Variants in SCLT1 observed in about 807,000 individuals in gnomAD.
SCLT1 encodes the protein sodium channel and clathrin linker 1, also known as sodium channel-associated protein 1.
SCLT1 carries 78 observed loss-of-function variants against 112.8 expected under a neutral mutation model. The observed-to-expected ratio is 0.69, with a 90% CI of 0.58 to 0.83. The LOEUF is 0.83. Among genes scored for constraint, SCLT1 ranks in the 40% least tolerant of loss-of-function variants. The pLI, the probability that SCLT1 is intolerant of heterozygous loss-of-function variation, is 0.00. For synonymous variants in SCLT1, 257 were observed against 254.7 expected (o/e 1.01, Z -0.09); for missense variants, 747 against 770.4 (o/e 0.97, Z 0.36).
intron 2 of SCLT1, among the ~76,000 whole-genome samples, chr4:129,070,649 C>T (rs925334150): frequency 2.1e-4 from 32 of 152,036 alleles, no homozygotes; most frequent in Admixed American, 1.9e-3. Context: ...TTTCTCCCTT[C>T]TTTTCTTGGT....
intron 5 of SCLT1, among the ~76,000 whole-genome samples, chr4:129,010,296 C>T (rs907701963): frequency 5.3e-5 from 8 of 152,126 alleles, no homozygotes; most frequent in Admixed American, 3.9e-4. Flanking sequence ...GTACCAGTAG[C>T]ATGCTGTTTT....
chr4:129,010,479 G>C (rs1001185269), intron 5 of SCLT1, among the ~76,000 whole-genome samples: 6 of 152,144 alleles, frequency 3.9e-5, no homozygotes, highest in African/African-American at 1.4e-4. Flanking sequence ...AATAGGAATA[G>C]CATTAGATGT....
At chr4:128,880,866 T>C (rs946477398), downstream of SCLT1, among the ~76,000 whole-genome samples, 27 of 152,258 alleles carry the variant, frequency 1.8e-4, no homozygotes, top group East Asian at 4.2e-3. Context: ...AAAGGGTACA[T>C]AGTTTGAAGC....
At chr4:128,888,485 T>C (rs1733061106) in intron 20 of SCLT1, among the ~76,000 whole-genome samples, 194 bp downstream of exon 20, 1 of 152,222 alleles carries the variant, frequency 6.6e-6, no homozygotes, top group Non-Finnish European at 1.5e-5. Context: ...CCCAAATTGC[T>C]GGCATTACAG....
At chr4:128,880,164 T>C (rs2125915981), downstream of SCLT1, among the ~76,000 whole-genome samples, 1 of 152,322 alleles carries the variant, frequency 6.6e-6, no homozygotes, top group Non-Finnish European at 1.5e-5. Context: ...TTCTTGATGT[T>C]GTTATGCTAG....
intron 9 of SCLT1, among the ~76,000 whole-genome samples, chr4:128,991,111 G>A (rs1742529840): frequency 6.6e-6 from 1 of 151,744 alleles, no homozygotes. Context: ...ACAAGACACA[G>A]AATAGCCAAA....
chr4:129,043,922 C>A, intron 3 of SCLT1, 71 bp downstream of exon 3: 2 of 791,868 alleles, frequency 2.5e-6, no homozygotes, highest in South Asian at 3.2e-5. Context: ...AACAAACATT[C>A]CTGATACTGA....
In SCLT1 at chr4:128,999,445, A is replaced by G. The variant is rs745485429; in HGVS notation, c.549+227T>C. Among the ~76,000 whole-genome samples the G allele has an allele frequency of 2.0e-5, 3 of 151,966 alleles. 1 individual carries two copies. Among genetic ancestry groups the G allele is most frequent in the Non-Finnish European group, 4.4e-5 (3 of 67,890 alleles). Reference sequence around the variant, plus strand: ...CTCTTTAGCACTAAATTCAGCTTTCATTGCTGACAACATTATAGAACCAAA... The same window carrying G: ...CTCTTTAGCACTAAATTCAGCTTTCGTTGCTGACAACATTATAGAACCAAA... On this transcript the variant is annotated intron_variant, in intron 7 of 20. Coordinates refer to ENST00000281142, the MANE Select transcript of SCLT1 (RefSeq NM_144643.4).
intron 17 of SCLT1, 42 bp downstream of exon 17, chr4:128,942,954 T>C (rs1737829213): frequency 6.9e-7 from 1 of 1,441,938 alleles, no homozygotes; most frequent in Non-Finnish European, 9.5e-7. Flanking sequence ...CTCTATACTT[T>C]GATTTTCATA....
At chr4:128,950,428 A>G (rs1222891516) in intron 14 of SCLT1, among the ~76,000 whole-genome samples, 2 of 152,206 alleles carry the variant, frequency 1.3e-5, no homozygotes, top group Admixed American at 6.5e-5. Context: ...AGAGAGAATT[A>G]CCATACTAAT....
At chr4:128,938,311 T>G (rs774041333) in intron 17 of SCLT1, among the ~76,000 whole-genome samples, 5 of 152,220 alleles carry the variant, frequency 3.3e-5, no homozygotes, top group Non-Finnish European at 7.3e-5. Context: ...CTTGGCTCAC[T>G]GGAGCAAACT....
intron 7 of SCLT1, among the ~76,000 whole-genome samples, chr4:128,998,811 T>G (rs997861610): frequency 1.3e-5 from 2 of 151,878 alleles, no homozygotes; most frequent in Non-Finnish European, 2.9e-5. Context: ...TTTCTTTAGG[T>G]AGATATTTCT....
chr4:128,985,254 C>T (rs183055012), intron 9 of SCLT1, among the ~76,000 whole-genome samples: 4 of 152,172 alleles, frequency 2.6e-5, no homozygotes, highest in African/African-American at 7.2e-5. Flanking sequence ...CACACACATA[C>T]ACTACATATA....
At chr4:128,902,253 G>A (rs745984146) in intron 18 of SCLT1, among the ~76,000 whole-genome samples, 93 of 152,250 alleles carry the variant, frequency 6.1e-4, no homozygotes, top group Non-Finnish European at 9.4e-4. Flanking sequence ...TATCTACCAC[G>A]CTGCTTTACA....
chr4:128,902,692 T>A (rs2125936927), intron 18 of SCLT1, among the ~76,000 whole-genome samples: 1 of 152,336 alleles, frequency 6.6e-6, no homozygotes, highest in South Asian at 2.1e-4. Flanking sequence ...AAACACTGTA[T>A]ACTGAAGCTA....
intron 5 of SCLT1, among the ~76,000 whole-genome samples, chr4:129,029,047 G>A (rs555055247): frequency 1.9e-4 from 29 of 152,226 alleles, no homozygotes; most frequent in African/African-American, 6.3e-4. Context: ...GAGAGGATGC[G>A]GAGAAATAGG....
rs114552382 is a variant in SCLT1 at position 128,939,583 on chromosome 4, T to G, written c.1633-2732A>C. Among the ~76,000 whole-genome samples, 362 of 152,238 alleles carry G rather than the reference T, an allele frequency of 2.4e-3. 1 individual carries two copies. Among genetic ancestry groups the G allele is most frequent in the African/African-American group, 8.4e-3 (349 of 41,542 alleles). ...CTTTACAGAGAAATATCCACACAAG[T>G]AGATAACTGAATTGCTGGAAACGAC... On this transcript the variant is annotated intron_variant, in intron 17 of 20. Coordinates refer to ENST00000281142, the MANE Select transcript of SCLT1 (RefSeq NM_144643.4).
intron 4 of SCLT1, chr4:128,874,481 AC>A (rs1381526848): frequency 1.9e-4 from 28 of 145,706 alleles, no homozygotes; most frequent in African/African-American, 6.3e-4. Context: ...ACCAAAAAAA[AC>A]AAAACAAAAA....
At chr4:128,931,454 T>C (rs932604543) in intron 18 of SCLT1, among the ~76,000 whole-genome samples, 3 of 152,104 alleles carry the variant, frequency 2.0e-5, no homozygotes, top group Admixed American at 6.6e-5. Flanking sequence ...ACATTTGCTA[T>C]TACAGAATTT....
Sources: gnomAD v4.1 joint callset for allele counts (sites outside exome capture counted in the v4.1 genomes callset) on GRCh38, gnomAD v4.1.1 for gene constraint, MANE v1.5 for transcripts, NCBI Gene and HGNC (gene_info 2026-07-23, HGNC 2026-07-21) for gene names.